The following GPC6 variants were observed in gnomAD, a reference collection of about 807,000 sequenced individuals.
GPC6 encodes glypican-6.
Under a neutral mutation model 55.2 loss-of-function variants are expected in GPC6, and 14 were observed. The observed-to-expected ratio is 0.25, with a 90% CI of 0.17 to 0.40. The LOEUF (loss-of-function observed/expected upper bound fraction) is 0.40. Among genes scored for constraint, GPC6 ranks in the 10% least tolerant of loss-of-function variants. GPC6 has a pLI of 1.00. For synonymous variants in GPC6, 278 were observed against 259.6 expected (o/e 1.07, Z -0.68); for missense variants, 641 against 708.5 (o/e 0.90, Z 1.08).
At chr13:93,643,047 A>G (rs1880023918) in intron 2 of GPC6, among the ~76,000 whole-genome samples, 1 of 152,136 alleles carries the variant, frequency 6.6e-6, no homozygotes. Context: ...AGGTAAGTAG[A>G]TTGGAACTAT....
chr13:93,691,315 A>G (rs369198588), intron 2 of GPC6, among the ~76,000 whole-genome samples: 6 of 152,186 alleles, frequency 3.9e-5, no homozygotes, highest in African/African-American at 1.2e-4. Flanking sequence ...TTGTGCATCA[A>G]CCTTTGGGCA....
At chr13:94,016,917 C>T (rs937427889) in intron 3 of GPC6, among the ~76,000 whole-genome samples, 1 of 151,998 alleles carries the variant, frequency 6.6e-6, no homozygotes, top group Admixed American at 6.5e-5. Flanking sequence ...TCACTGCAAC[C>T]TCCGCCTCCT....
intron 4 of GPC6, among the ~76,000 whole-genome samples, chr13:94,230,189 C>T (rs1890678568): frequency 1.3e-5 from 2 of 152,104 alleles, no homozygotes. Context: ...AGACTGAAAA[C>T]ACTCAGTACC....
chr13:93,672,530 A>G (rs1881407404), intron 2 of GPC6, among the ~76,000 whole-genome samples: 1 of 151,962 alleles, frequency 6.6e-6, no homozygotes, highest in Admixed American at 6.6e-5. Flanking sequence ...TTTTCTCTTA[A>G]AAATGTATAA....
At chr13:93,504,109 C>A (rs1442605673) in intron 1 of GPC6, among the ~76,000 whole-genome samples, 1 of 151,980 alleles carries the variant, frequency 6.6e-6, no homozygotes, top group Non-Finnish European at 1.5e-5. Flanking sequence ...AAGGTACTGG[C>A]GGGTTTTGAG....
chr13:93,410,877 G>A (rs1235790052), intron 1 of GPC6, among the ~76,000 whole-genome samples: 3 of 152,032 alleles, frequency 2.0e-5, no homozygotes, highest in Non-Finnish European at 2.9e-5. Flanking sequence ...TCTTCTCAGG[G>A]GAAATGATAC....
At chr13:93,893,961 C>G (rs1198579946) in intron 3 of GPC6, among the ~76,000 whole-genome samples, 1 of 152,200 alleles carries the variant, frequency 6.6e-6, no homozygotes, top group African/African-American at 2.4e-5. Flanking sequence ...GGTCCACATG[C>G]AGCTCATGTA....
chr13:93,302,611 A>T (rs1332914684), intron 1 of GPC6, among the ~76,000 whole-genome samples: 3 of 152,202 alleles, frequency 2.0e-5, no homozygotes, highest in Non-Finnish European at 4.4e-5. Context: ...TCTTTAGCAA[A>T]CCAGGAAACA....
intron 1 of GPC6, among the ~76,000 whole-genome samples, chr13:93,340,474 A>C (rs1241402883): frequency 6.6e-6 from 1 of 152,246 alleles, no homozygotes; most frequent in Non-Finnish European, 1.5e-5. Context: ...TGAATAAATA[A>C]AAGAAAGTAA....
intron 3 of GPC6, among the ~76,000 whole-genome samples, chr13:93,917,853 C>T (rs1215934481): frequency 6.6e-6 from 1 of 152,142 alleles, no homozygotes; most frequent in Non-Finnish European, 1.5e-5. Context: ...AATCCCAGCA[C>T]TTTGGGAGGC....
At chr13:93,354,705 T>C (rs1010244832) in intron 1 of GPC6, among the ~76,000 whole-genome samples, 19 of 150,058 alleles carry the variant, frequency 1.3e-4, no homozygotes, top group Non-Finnish European at 2.8e-4. Flanking sequence ...CCTAACGTGT[T>C]ATATGTTTAA....
intron 4 of GPC6, among the ~76,000 whole-genome samples, chr13:94,106,392 G>A (rs994310691): frequency 2.6e-5 from 4 of 152,170 alleles, no homozygotes; most frequent in African/African-American, 9.6e-5. Flanking sequence ...TGGTGAAAGT[G>A]GGTAGCGAGA....
chr13:93,275,221 A>G (rs1877689111), intron 1 of GPC6, among the ~76,000 whole-genome samples: 1 of 152,158 alleles, frequency 6.6e-6, no homozygotes, highest in South Asian at 2.1e-4. Context: ...AAAGTTCCTA[A>G]TGGTTATTTT....
chr13:94,137,948 T>C (rs2138876054), intron 4 of GPC6, among the ~76,000 whole-genome samples: 1 of 152,328 alleles, frequency 6.6e-6, no homozygotes, highest in East Asian at 1.9e-4. Flanking sequence ...AGTTGGTCCC[T>C]GGACAACATT....
intron 4 of GPC6, among the ~76,000 whole-genome samples, chr13:94,071,327 T>C (rs1884727102): frequency 6.6e-6 from 1 of 152,190 alleles, no homozygotes; most frequent in Non-Finnish European, 1.5e-5. Context: ...TATATTATAG[T>C]CTCTTTTAGG....
chr13:93,987,099 A>C (rs1472054499), intron 3 of GPC6, among the ~76,000 whole-genome samples: 1 of 152,160 alleles, frequency 6.6e-6, no homozygotes, highest in Non-Finnish European at 1.5e-5. Context: ...AAGTCGACTA[A>C]TACGCTCTCT....
chr13:93,663,712 C>G (rs897292894), intron 2 of GPC6, among the ~76,000 whole-genome samples: 1 of 152,158 alleles, frequency 6.6e-6, no homozygotes, highest in Non-Finnish European at 1.5e-5. Flanking sequence ...TCTTCCACAG[C>G]TTTCTTGTCT....
intron 6 of GPC6, among the ~76,000 whole-genome samples, chr13:94,381,002 G>C (rs1880130435): frequency 6.6e-6 from 1 of 152,064 alleles, no homozygotes; most frequent in Middle Eastern, 3.2e-3. Flanking sequence ...TTATAAATTT[G>C]GGGCTGCCTA....
chr13:94,363,815 A>G (rs1041551589), intron 6 of GPC6, among the ~76,000 whole-genome samples: 2 of 152,246 alleles, frequency 1.3e-5, no homozygotes, highest in African/African-American at 2.4e-5. Context: ...GCCATTAACA[A>G]TGTGTGACTA....
Sources: gnomAD v4.1 joint callset for allele counts (sites outside exome capture counted in the v4.1 genomes callset) on GRCh38, gnomAD v4.1.1 for gene constraint, MANE v1.5 for transcripts, NCBI Gene and HGNC (gene_info 2026-07-23, HGNC 2026-07-21) for gene names.